GLRA3: variants seen among roughly 807,000 people sequenced by gnomAD.
The protein encoded by GLRA3 is glycine receptor alpha 3, also known as glycine receptor subunit alpha-3.
GLRA3 carries 44 observed loss-of-function variants against 60.4 expected under a neutral mutation model. The observed-to-expected ratio is 0.73, with a 90% CI of 0.57 to 0.94. The LOEUF is 0.94. GLRA3 is among the 40% of genes least tolerant of loss of function. The probability of loss-of-function intolerance (pLI) is 0.00; values close to 1 mark genes in which losing one functional copy is unlikely to be tolerated. For synonymous variants in GLRA3, 223 were observed against 192.9 expected (o/e 1.16, Z -1.29); for missense variants, 508 against 564.6 (o/e 0.90, Z 1.02).
chr4:174,797,082 C>A (rs1309680245), intron 1 of GLRA3, among the ~76,000 whole-genome samples: 1 of 152,118 alleles, frequency 6.6e-6, no homozygotes. Flanking sequence ...AAATAGCCCA[C>A]ATCATTTGTA....
At chr4:174,692,812 C>T (rs186146002) in intron 5 of GLRA3, among the ~76,000 whole-genome samples, 13 of 152,066 alleles carry the variant, frequency 8.5e-5, no homozygotes, top group Middle Eastern at 3.4e-3. Context: ...CAGAAGGCCG[C>T]GGGGTCCTCT....
intron 5 of GLRA3, among the ~76,000 whole-genome samples, chr4:174,688,579 A>AGTGT (rs59653917): frequency 0.048 from 6,458 of 133,844 alleles, 212 homozygotes; most frequent in Admixed American, 0.063. Flanking sequence ...GGAAGGAGGA[A>AGTGT]GTGTGTGTGT....
intron 1 of GLRA3, among the ~76,000 whole-genome samples, chr4:174,827,115 T>G (rs1741005356): frequency 6.6e-6 from 1 of 151,940 alleles, no homozygotes; most frequent in Non-Finnish European, 1.5e-5. Context: ...AAGTACATTT[T>G]TGGGCTTCTC....
chr4:174,689,751 C>A, intron 5 of GLRA3, among the ~76,000 whole-genome samples: 1 of 79,222 alleles, frequency 1.3e-5, no homozygotes, highest in Non-Finnish European at 2.3e-5. Flanking sequence ...AGTGGTAAGT[C>A]GCATTAAAAA....
intron 3 of GLRA3, among the ~76,000 whole-genome samples, chr4:174,733,331 T>C (rs1454907231): frequency 6.6e-6 from 1 of 152,208 alleles, no homozygotes; most frequent in African/African-American, 2.4e-5. Flanking sequence ...AATACATTTG[T>C]GTTGTTTAAG....
In GLRA3 at chr4:174,689,566, C is replaced by T. The variant is rs553147472; in HGVS notation, c.575-6627G>A. Reference sequence around the variant, plus strand: ...CCATTAAGTAACTTCTCAACCTCCCCCTCTTCCCACCCTGTCAGCCTTCTG... The same window carrying T: ...CCATTAAGTAACTTCTCAACCTCCCTCTCTTCCCACCCTGTCAGCCTTCTG... On this transcript the variant is annotated intron_variant, in intron 5 of 9. Transcript: ENST00000274093. Among the ~76,000 whole-genome samples the T allele has an allele frequency of 6.6e-5, 10 of 151,700 alleles. No homozygotes were observed. The South Asian group carries it at 1.7e-3, about 25-fold the overall frequency.
chr4:174,734,286 G>A (rs779070624), intron 3 of GLRA3, among the ~76,000 whole-genome samples: 16 of 152,138 alleles, frequency 1.1e-4, no homozygotes, highest in Non-Finnish European at 2.1e-4. Context: ...GTTCCCATGC[G>A]TCAGGAAGCA....
chr4:174,808,944 A>G (rs1251271979), intron 1 of GLRA3, among the ~76,000 whole-genome samples: 3 of 152,298 alleles, frequency 2.0e-5, no homozygotes, highest in East Asian at 3.9e-4. Flanking sequence ...AGTAAGAGTT[A>G]CCGTAAGAAA....
chr4:174,764,440 T>C (rs1738059219), intron 3 of GLRA3, among the ~76,000 whole-genome samples: 1 of 152,070 alleles, frequency 6.6e-6, no homozygotes, highest in African/African-American at 2.4e-5. Context: ...AATATATTCA[T>C]TAATGATTAC....
intron 7 of GLRA3, among the ~76,000 whole-genome samples, chr4:174,676,863 A>G (rs903085310): frequency 3.3e-5 from 5 of 152,334 alleles, no homozygotes; most frequent in African/African-American, 1.2e-4. Flanking sequence ...TGGGAATAAT[A>G]ACACAAAATG....
In GLRA3 at chr4:174,829,112, A is replaced by C. The variant is rs1578952148; in HGVS notation, c.-301T>G. 1 of 257,364 alleles carries C rather than the reference A, an allele frequency of 3.9e-6. No homozygotes were observed. Among genetic ancestry groups the C allele is most frequent in the African/African-American group, 2.2e-5 (1 of 45,020 alleles). The allele number at this position is 257,364 out of a possible 1,614,324, so 15.9% of individuals were successfully genotyped here. On this transcript the variant is annotated 5_prime_UTR_variant, in exon 1 of 10. Transcript: ENST00000274093. ...GGCAACAGTTCTCTAAAGCTCCAGC[A>C]GCAAAGGAAGAATGTTCGTTCTTCC...
chr4:174,778,209 C>G (rs910070840), intron 2 of GLRA3, among the ~76,000 whole-genome samples: 2 of 152,148 alleles, frequency 1.3e-5, no homozygotes, highest in Middle Eastern at 3.4e-3. Context: ...CTCACTGGGC[C>G]GGTTCTGTTT....
At chr4:174,651,434 G>A (rs1028950193) in intron 9 of GLRA3, among the ~76,000 whole-genome samples, 30 of 151,960 alleles carry the variant, frequency 2.0e-4, no homozygotes, top group African/African-American at 6.3e-4. Flanking sequence ...ATAAACCACC[G>A]GACAAAGCAC....
chr4:174,752,436 G>A (rs775969858), intron 3 of GLRA3, among the ~76,000 whole-genome samples: 3 of 152,168 alleles, frequency 2.0e-5, no homozygotes, highest in African/African-American at 4.8e-5. Context: ...TGCCAGTTCC[G>A]AGGCTTCCTG....
At position 174,700,798 on chromosome 4, in the gene GLRA3, C is replaced by T. The variant is rs142290800; in HGVS notation, c.574+14690G>A. On this transcript the variant is annotated intron_variant, in intron 5 of 9. Transcript: ENST00000274093. ...TGGTCTGCATAGATCAAACCAGCAA[C>T]AACATTTCCTTAAGCCTAAACCAAA... Among the ~76,000 whole-genome samples the T allele has an allele frequency of 4.8e-3, 733 of 152,290 alleles. 2 individuals are homozygous for T. The highest frequency in any genetic ancestry group is 0.02 in the Middle Eastern group (6 of 294).
At position 174,783,440 on chromosome 4, in the gene GLRA3, A is replaced by G. The variant is rs1242711872; in HGVS notation, c.199+5376T>C. On this transcript the variant is annotated intron_variant, in intron 2 of 9. Transcript: ENST00000274093. The stretch of plus-strand genomic sequence containing the variant: ...ACTTCATGTCTAAAACACCAAAAGC[A>G]ACGGCAACAAAAGCCAAAATTGACA... 1.5e-5 allele frequency among the ~76,000 whole-genome samples: 2 copies of G among 130,030 alleles called. 1 individual carries two copies. The highest frequency in any genetic ancestry group is 1.5e-4 in the Admixed American group (2 of 13,008). The allele number at this position is 130,030 out of a possible 152,430, so 85.3% of individuals were successfully genotyped here. A position where few individuals can be genotyped will look rare whatever the true frequency, so the allele number is the denominator to read the frequency against.
chr4:174,722,649 T>A (rs1375834364), intron 4 of GLRA3: 2 of 158,710 alleles, frequency 1.3e-5, no homozygotes, highest in Non-Finnish European at 2.9e-5. Context: ...GTTTATTTCC[T>A]TTTTTTAATG....
chr4:174,692,110 G>A (rs888763943), intron 5 of GLRA3, among the ~76,000 whole-genome samples: 15 of 151,004 alleles, frequency 9.9e-5, no homozygotes, highest in Non-Finnish European at 1.3e-4. Context: ...GAGACCCTCC[G>A]CCTGGCAACT....
chr4:174,647,209 C>G (rs1236078003), intron 9 of GLRA3, among the ~76,000 whole-genome samples: 1 of 152,038 alleles, frequency 6.6e-6, no homozygotes, highest in African/African-American at 2.4e-5. Flanking sequence ...GAGTTGGGGA[C>G]CAGCCTGGCC....
Sources: allele counts gnomAD v4.1 joint callset (sites outside exome capture counted in the v4.1 genomes callset), GRCh38; gene constraint gnomAD v4.1.1; transcripts MANE v1.5; gene names NCBI Gene and HGNC (gene_info 2026-07-23, HGNC 2026-07-21).